PKHD1: variants seen among roughly 807,000 people sequenced by gnomAD.
The protein encoded by PKHD1 is fibrocystin.
In PKHD1, 291 loss-of-function variants were observed where a neutral mutation model predicts 412.0. The ratio of observed to expected loss-of-function variants is 0.71; its 90% CI spans 0.64 to 0.78. The LOEUF (loss-of-function observed/expected upper bound fraction) is 0.78, where lower values mean the gene tolerates loss of function less well. Ranked by LOEUF, PKHD1 falls within the 30% of genes least tolerant of loss-of-function variation. PKHD1 has a pLI of 0.00. For synonymous variants in PKHD1, 1,777 were observed against 1,821.5 expected (o/e 0.98, Z 0.62); for missense variants, 4,825 against 4,950.7 (o/e 0.97, Z 0.76).
At position 52,042,936 on chromosome 6, in the gene PKHD1, C is replaced by A; in HGVS notation, c.3020G>T (p.Ser1007Ile). The A allele has an allele frequency of 6.2e-7, 1 of 1,613,966 alleles. No individual in the cohort carries two copies. The highest frequency in any genetic ancestry group is 8.5e-7 in the Non-Finnish European group (1 of 1,179,848). Reference sequence around the variant, plus strand: ...TAGGAAGAGGTCTTCTCCAGTGGCACTGATGGCAAGACCAGAGGGTCTCAC... The same window carrying A: ...TAGGAAGAGGTCTTCTCCAGTGGCAATGATGGCAAGACCAGAGGGTCTCAC... ...MLVRPSGLAISATGEDLFLNV... is the reference protein window; with the variant it reads ...MLVRPSGLAIIATGEDLFLNV... Residue 1007 changes from serine to isoleucine, a missense_variant, in exon 27 of 67, where the codon AGT becomes ATT. Transcript: ENST00000371117.
Position 51,748,123 on chromosome 6 carries a change from C to G in PKHD1, c.9493G>C (p.Val3165Leu), listed in dbSNP as rs199621305. 2 of 1,613,826 alleles carry G rather than the reference C, an allele frequency of 1.2e-6. No individual in the cohort carries two copies. The highest frequency in any genetic ancestry group is 1.7e-6 in the Non-Finnish European group (2 of 1,179,842). Residue 3165 changes from valine (V) to leucine (L), a missense_variant, in exon 58 of 67, where the codon GTG (valine) becomes CTG (leucine). Physicochemically the swap from Val to Leu is conservative, Grantham distance 32 (BLOSUM62 1). Transcript: ENST00000371117. ...YGAMLHVENSVEIENITLVDN... is the reference protein window; with the variant it reads ...YGAMLHVENSLEIENITLVDN... ...ACCAGAGTAATGTTCTCTATCTCCACGCTGTTCTCTACATGTAACATGGCA... is the reference window on the plus strand; with the variant it reads ...ACCAGAGTAATGTTCTCTATCTCCAGGCTGTTCTCTACATGTAACATGGCA...
intron 20 of PKHD1, among the ~76,000 whole-genome samples, chr6:52,053,731 C>G (rs943878825): frequency 2.0e-5 from 3 of 152,138 alleles, no homozygotes; most frequent in African/African-American, 7.2e-5. Flanking sequence ...ATCACAAATT[C>G]TTGGGGCCCC....
chr6:51,992,008 G>A (rs1014956507), intron 35 of PKHD1, among the ~76,000 whole-genome samples: 1 of 152,324 alleles, frequency 6.6e-6, no homozygotes, highest in East Asian at 1.9e-4. Flanking sequence ...ACAGGCTCTG[G>A]AATCATTATG....
At chr6:51,998,846 C>T (rs756579066) in intron 35 of PKHD1, among the ~76,000 whole-genome samples, 3 of 152,058 alleles carry the variant, frequency 2.0e-5, no homozygotes, top group Non-Finnish European at 4.4e-5. Context: ...CTCATCTGCA[C>T]ACTTTTCTGC....
intron 1 of PKHD1, among the ~76,000 whole-genome samples, chr6:52,086,611 T>C (rs1462997924): frequency 6.6e-6 from 1 of 152,210 alleles, no homozygotes; most frequent in Non-Finnish European, 1.5e-5. Context: ...ACTGCAAACA[T>C]TTATTGTATG....
rs144095957 is a variant in PKHD1, at chr6:51,898,944, C to A, written c.6996+4653G>T. Among the ~76,000 whole-genome samples, 191 of 152,358 alleles carry A rather than the reference C, an allele frequency of 1.3e-3. 1 individual carries two copies. The highest frequency in any genetic ancestry group is 0.01 in the Middle Eastern group (3 of 294). The stretch of plus-strand genomic sequence containing the variant: ...AAATGGATAAATTCCTGAACACATA[C>A]ACTCTCCAGAGACTAAACCAGGAAG... On this transcript the variant is annotated intron_variant, in intron 43 of 66. Transcript: ENST00000371117.
intron 37 of PKHD1, among the ~76,000 whole-genome samples, chr6:51,930,012 T>G (rs1561909294): frequency 6.6e-6 from 1 of 152,132 alleles, no homozygotes; most frequent in Non-Finnish European, 1.5e-5. Flanking sequence ...CAATAAAAGC[T>G]CCACCATCCT....
intron 60 of PKHD1, among the ~76,000 whole-genome samples, chr6:51,677,959 T>A (rs894966671): frequency 5.3e-5 from 8 of 152,328 alleles, no homozygotes; most frequent in African/African-American, 1.7e-4. Context: ...TAAAATGTCA[T>A]CATCTATACA....
Position 51,659,227 on chromosome 6 carries a change from T to C in PKHD1, c.10899A>G (p.Arg3633=), listed in dbSNP as rs1355929152. 1 of 1,613,874 alleles carries C rather than the reference T, an allele frequency of 6.2e-7. No homozygotes were observed. Among genetic ancestry groups the C allele is most frequent in the Non-Finnish European group, 8.5e-7 (1 of 1,179,900 alleles). The part of the protein sequence containing the change: ...PTVTCTSHYR[R]VGQRRPLMME... ...TCATGAGAGGCCTACGTTGACCAACTCTTCTATAATGACTAGTGCAAGTCA... is the reference window on the plus strand; with the variant it reads ...TCATGAGAGGCCTACGTTGACCAACCCTTCTATAATGACTAGTGCAAGTCA... Residue 3633 remains arginine (R), a synonymous_variant, in exon 61 of 67, where the codon AGA becomes AGG. Coordinates refer to ENST00000371117, the MANE Select transcript of PKHD1 (RefSeq NM_138694.4).
intron 44 of PKHD1, among the ~76,000 whole-genome samples, chr6:51,886,432 G>A (rs1778226617): frequency 6.6e-6 from 1 of 152,126 alleles, no homozygotes. Flanking sequence ...GGGAAAATGT[G>A]GTGTATATTT....
In PKHD1 at chr6:52,048,482, A is replaced by G; in HGVS notation, c.2407+10T>C. 6.2e-7 allele frequency: 1 copy of G among 1,613,854 alleles called. No homozygotes were observed. The highest frequency in any genetic ancestry group is 8.5e-7 in the Non-Finnish European group (1 of 1,179,764). On this transcript the variant is annotated intron_variant, in intron 23 of 66. Coordinates refer to ENST00000371117, the MANE Select transcript of PKHD1 (RefSeq NM_138694.4). ...AGTGAGAATTGTTGCAACCCCAATC[A>G]CCCCTTTACCAGAAATCACTGTATT...
chr6:52,066,930 A>C (rs934592274), intron 11 of PKHD1, among the ~76,000 whole-genome samples: 4 of 152,188 alleles, frequency 2.6e-5, no homozygotes, highest in African/African-American at 7.2e-5. Flanking sequence ...ATTTAAAAAA[A>C]GAAATTACCT....
chr6:51,978,472 A>G (rs1296657929), intron 35 of PKHD1, among the ~76,000 whole-genome samples: 1 of 152,168 alleles, frequency 6.6e-6, no homozygotes, highest in East Asian at 1.9e-4. Context: ...GAAACACCCA[A>G]TGTCACTAGG....
chr6:52,082,627 AATGTAAGAC>A, intron 3 of PKHD1, 85 bp from the exon 4 acceptor site: 1 of 1,326,136 alleles, frequency 7.5e-7, no homozygotes, highest in Non-Finnish European at 1.1e-6. Context: ...TCCTGGGGGT[AATGTAAGAC>A]ATTAAATTTG....
At chr6:51,702,155 T>TTATATATATTATATGTATAATATATAA in intron 60 of PKHD1, among the ~76,000 whole-genome samples, 1 of 146,822 alleles carries the variant, frequency 6.8e-6, no homozygotes, top group Non-Finnish European at 1.5e-5. Context: ...TTATTATATA[T>TTATATATATTATATGTATAATATATAA]TATATATATT....
chr6:51,992,807 C>G (rs1368235939), intron 35 of PKHD1, among the ~76,000 whole-genome samples: 1 of 152,224 alleles, frequency 6.6e-6, no homozygotes, highest in East Asian at 1.9e-4. Context: ...GCAGAAAACT[C>G]ACACAAAAAG....
At chr6:51,661,943 C>A (rs1343403781) in intron 60 of PKHD1, among the ~76,000 whole-genome samples, 1 of 151,856 alleles carries the variant, frequency 6.6e-6, no homozygotes, top group Non-Finnish European at 1.5e-5. Flanking sequence ...AATTATAAAT[C>A]TATGCTAAAC....
At chr6:51,835,211 C>T (rs1768985125) in intron 51 of PKHD1, among the ~76,000 whole-genome samples, 1 of 152,142 alleles carries the variant, frequency 6.6e-6, no homozygotes, top group African/African-American at 2.4e-5. Flanking sequence ...TGACATGCCA[C>T]CCTGACTACA....
At chr6:51,777,061 TCAGA>T (rs1314329177) in intron 53 of PKHD1, among the ~76,000 whole-genome samples, 2 of 152,048 alleles carry the variant, frequency 1.3e-5, no homozygotes, top group Non-Finnish European at 2.9e-5. Flanking sequence ...ATATTCCAAA[TCAGA>T]CAGGTTAATA....
Sources: allele counts gnomAD v4.1 joint callset (sites outside exome capture counted in the v4.1 genomes callset), GRCh38; gene constraint gnomAD v4.1.1; transcripts MANE v1.5; gene names NCBI Gene and HGNC (gene_info 2026-07-23, HGNC 2026-07-21).